ABCC12: variants seen among roughly 807,000 people sequenced by gnomAD.
ABCC12 encodes ATP binding cassette subfamily C member 12.
A neutral mutation model predicts 151.1 loss-of-function variants in ABCC12; 142 were observed. The ratio of observed to expected loss-of-function variants is 0.94; its 90% CI spans 0.82 to 1.08. The LOEUF (loss-of-function observed/expected upper bound fraction) is 1.08, where lower values mean the gene tolerates loss of function less well. Ranked by LOEUF, ABCC12 falls within the 50% of genes least tolerant of loss-of-function variation. ABCC12 has a pLI of 0.00. For synonymous variants in ABCC12, 645 were observed against 646.4 expected (o/e 1.00, Z 0.03); for missense variants, 1,638 against 1,691.1 (o/e 0.97, Z 0.55).
chr16:48,106,135 G>C (rs1037483009), intron 20 of ABCC12, among the ~76,000 whole-genome samples: 1 of 152,212 alleles, frequency 6.6e-6, no homozygotes, highest in Non-Finnish European at 1.5e-5. Context: ...ATGCCATTTT[G>C]CTGATTACAG....
chr16:48,122,183 C>G (rs1441903571), intron 12 of ABCC12, among the ~76,000 whole-genome samples: 1 of 152,240 alleles, frequency 6.6e-6, no homozygotes, highest in African/African-American at 2.4e-5. Flanking sequence ...ACAAGAGGCT[C>G]CCCTTCCTCC....
chr16:48,150,333 A>C (rs1363210672), intron 2 of ABCC12, among the ~76,000 whole-genome samples: 1 of 152,240 alleles, frequency 6.6e-6, no homozygotes, highest in Non-Finnish European at 1.5e-5. Context: ...CTCTGTTTAT[A>C]ATATCTTAAA....
intron 18 of ABCC12, among the ~76,000 whole-genome samples, chr16:48,110,526 C>T (rs1465756525): frequency 2.0e-5 from 3 of 152,114 alleles, no homozygotes; most frequent in African/African-American, 7.2e-5. Flanking sequence ...AGAGTAGGTG[C>T]TCTAGGGATG....
chr16:48,086,668 T>G, intron 28 of ABCC12, 73 bp downstream of exon 28: 1 of 1,384,462 alleles, frequency 7.2e-7, no homozygotes, highest in Non-Finnish European at 1.0e-6. Flanking sequence ...CTTGTCAAAT[T>G]TAAACATAGG....
chr16:48,124,183 C>T (rs758147642), intron 12 of ABCC12, 30 bp downstream of exon 12: 3 of 1,608,344 alleles, frequency 1.9e-6, no homozygotes, highest in Non-Finnish European at 2.6e-6. Flanking sequence ...GTTAATGTTC[C>T]ATCTTCACAG....
chr16:48,145,685 G>A (rs940863762), intron 3 of ABCC12, among the ~76,000 whole-genome samples: 8 of 152,196 alleles, frequency 5.3e-5, no homozygotes, highest in African/African-American at 1.9e-4. Context: ...GACCGAGCCT[G>A]GGCTAGCCTG....
intron 9 of ABCC12, among the ~76,000 whole-genome samples, chr16:48,131,359 T>C (rs941188737): frequency 6.6e-6 from 1 of 152,170 alleles, no homozygotes; most frequent in Non-Finnish European, 1.5e-5. Flanking sequence ...GGAGGCTCCC[T>C]GGAGGGACCT....
rs914951485 is a variant in ABCC12 at position 48,113,506 on chromosome 16, T to G, written c.1990-1596A>C. 5.3e-5 allele frequency among the ~76,000 whole-genome samples: 8 copies of G among 152,324 alleles called. No homozygotes were observed. In the South Asian group the frequency reaches 1.7e-3, roughly 32 times the overall value. ...ACCAAATCTGCACCTGGGTTGGATT[T>G]CAGTGGTTTCCTTAGAAGAGCGATC... On this transcript the variant is annotated intron_variant, in intron 15 of 30. Transcript: ENST00000311303.
Position 48,082,940 on chromosome 16 carries a change from G to A in ABCC12, c.*775C>T, listed in dbSNP as rs1455544446. On this transcript the variant is annotated 3_prime_UTR_variant, in exon 31 of 31. Transcript: ENST00000311303. ...AGAGAAAGCTTTTTGTTTGGTAAGC[G>A]ACTGTGAAGGTTCATTACTGAGTGA... is the stretch of plus-strand genomic sequence containing the variant. 1 of 152,178 alleles carries A rather than the reference G, an allele frequency of 6.6e-6. No homozygotes were observed. The highest frequency in any genetic ancestry group is 1.5e-5 in the Non-Finnish European group (1 of 68,048). The allele number at this position is 152,178 out of a possible 1,614,324, so 9.4% of individuals were successfully genotyped here. A position where few individuals can be genotyped will look rare whatever the true frequency, so the allele number is the denominator to read the frequency against.
At chr16:48,115,760 CAGGGCCCCCG>C in intron 14 of ABCC12, 142 bp from the exon 15 acceptor site, 1 of 868,208 alleles carries the variant, frequency 1.2e-6, no homozygotes, top group Non-Finnish European at 1.7e-6. Context: ...CCGCCCCTTA[CAGGGCCCCCG>C]GTCACACGAG....
intron 25 of ABCC12, among the ~76,000 whole-genome samples, chr16:48,089,923 T>G (rs561004170): frequency 1.5e-4 from 23 of 152,198 alleles, no homozygotes; most frequent in Non-Finnish European, 3.2e-4. Flanking sequence ...CTTACTATGT[T>G]TATAAGTTTA....
In ABCC12 at chr16:48,096,746, C is replaced by G. The variant is rs1206305009; in HGVS notation, c.3195G>C (p.Gln1065His). The G allele has an allele frequency of 6.2e-7, 1 of 1,613,946 alleles. No individual in the cohort carries two copies. Among genetic ancestry groups the G allele is most frequent in the Non-Finnish European group, 8.5e-7 (1 of 1,179,856 alleles). Residue 1065 changes from glutamine (Q) to histidine (H), a missense_variant and splice_region_variant, in exon 24 of 31, where the codon CAG becomes CAC. Gln to His is a conservative substitution (Grantham distance 24). Transcript: ENST00000311303. ...SKGLSLSYII[Q>H]LSGLLQVCVR... ...AGCCCAACTTTGCACCAGGCATTAC[C>G]TGGATGATGTATGACAATGACAGGC...
chr16:48,090,914 T>C (rs565584930), intron 25 of ABCC12, among the ~76,000 whole-genome samples: 23 of 151,986 alleles, frequency 1.5e-4, no homozygotes, highest in Non-Finnish European at 3.1e-4. Context: ...TTTCACCATG[T>C]TGGCCAGGCT....
intron 1 of ABCC12, among the ~76,000 whole-genome samples, chr16:48,154,613 T>C (rs1176814657): frequency 6.6e-6 from 1 of 152,232 alleles, no homozygotes; most frequent in Non-Finnish European, 1.5e-5. Flanking sequence ...GAGGCCTTTT[T>C]CTCTATCCTT....
At chr16:48,138,076 T>C in intron 8 of ABCC12, 152 bp downstream of exon 8, 3 of 736,876 alleles carry the variant, frequency 4.1e-6, no homozygotes, top group East Asian at 2.8e-5. Flanking sequence ...TAAATCTCCA[T>C]AATCCTTTGA....
chr16:48,114,732 G>C (rs1017172101), intron 15 of ABCC12, among the ~76,000 whole-genome samples: 4 of 152,196 alleles, frequency 2.6e-5, no homozygotes, highest in African/African-American at 9.7e-5. Context: ...CTGGGAGGAG[G>C]AGGTTCTTGG....
At chr16:48,136,694 G>A (rs1964622078) in intron 8 of ABCC12, among the ~76,000 whole-genome samples, 1 of 152,158 alleles carries the variant, frequency 6.6e-6, no homozygotes, top group South Asian at 2.1e-4. Flanking sequence ...CAGCCCAGAA[G>A]TCCTCTCTGG....
chr16:48,105,122 A>T lies in ABCC12; in HGVS notation c.2673+17T>A. 6.2e-7 allele frequency: 1 copy of T among 1,614,010 alleles called. No individual in the cohort carries two copies. Among genetic ancestry groups the T allele is most frequent in the Non-Finnish European group, 8.5e-7 (1 of 1,179,946 alleles). ...TGACTGAATAACTGGGTACACCTGC[A>T]ATGCTTGTGGCCCTACCTTATCAAA... On this transcript the variant is annotated intron_variant, in intron 21 of 30. Transcript: ENST00000311303.
intron 15 of ABCC12, among the ~76,000 whole-genome samples, chr16:48,112,796 C>A (rs1048245354): frequency 1.3e-4 from 20 of 152,232 alleles, no homozygotes; most frequent in African/African-American, 4.1e-4. Context: ...GGCAAGAGGC[C>A]ACATTCCCTG....
Sources: gnomAD v4.1 joint callset for allele counts (sites outside exome capture counted in the v4.1 genomes callset) on GRCh38, gnomAD v4.1.1 for gene constraint, MANE v1.5 for transcripts, NCBI Gene and HGNC (gene_info 2026-07-23, HGNC 2026-07-21) for gene names.